Variants in CD2AP observed in about 807,000 individuals in gnomAD.
The protein encoded by CD2AP is CD2 associated protein.
A neutral mutation model predicts 85.1 loss-of-function variants in CD2AP; 46 were observed. That is an observed-to-expected ratio of 0.54 (90% confidence interval 0.43 to 0.69). The LOEUF is 0.69. CD2AP is among the 30% of genes least tolerant of loss of function. The probability of loss-of-function intolerance (pLI) is 0.00; values close to 1 mark genes in which losing one functional copy is unlikely to be tolerated. For missense variants in CD2AP, 769 were observed against 729.5 expected (o/e 1.05, Z -0.62); for synonymous variants, 255 against 252.9 (o/e 1.01, Z -0.08).
intron 2 of CD2AP, among the ~76,000 whole-genome samples, chr6:47,528,604 C>T (rs1044915236): frequency 6.6e-6 from 1 of 152,140 alleles, no homozygotes; most frequent in Non-Finnish European, 1.5e-5. Context: ...ATTTTAGTGC[C>T]TACTTGGTGC....
At position 47,552,676 on chromosome 6, in the gene CD2AP, G is replaced by A. The variant is rs375261505; in HGVS notation, c.421-1970G>A. Among the ~76,000 whole-genome samples the A allele has an allele frequency of 5.8e-4, 89 of 152,248 alleles. 4 individuals are homozygous for A. The South Asian group carries it at 0.017, about 29-fold the overall frequency. ...TCCTAAACCTAACTCCTCAGTTGTT[G>A]CCAGTTGGGGTTCCAGGTATAGGTA... On this transcript the variant is annotated intron_variant, in intron 4 of 17. Coordinates refer to ENST00000359314, the MANE Select transcript of CD2AP (RefSeq NM_012120.3).
chr6:47,586,888 T>C (rs1768644647), intron 11 of CD2AP, among the ~76,000 whole-genome samples: 1 of 152,138 alleles, frequency 6.6e-6, no homozygotes, highest in South Asian at 2.1e-4. Flanking sequence ...ATATGAGAAT[T>C]TTTTTGTATA....
At chr6:47,587,818 T>TACA (rs1359978848) in intron 11 of CD2AP, among the ~76,000 whole-genome samples, 1 of 152,158 alleles carries the variant, frequency 6.6e-6, no homozygotes, top group Admixed American at 6.5e-5. Context: ...TATACACACA[T>TACA]ACACAGTCAT....
At chr6:47,501,562 C>G (rs1297219064) in intron 1 of CD2AP, among the ~76,000 whole-genome samples, 1 of 150,956 alleles carries the variant, frequency 6.6e-6, no homozygotes, top group Non-Finnish European at 1.5e-5. Flanking sequence ...GGGGAATGGG[C>G]AATGTGGGAA....
Position 47,580,911 on chromosome 6 carries a change from A to C in CD2AP, c.1045+11A>C. The C allele has an allele frequency of 1.9e-6, 3 of 1,584,812 alleles. No homozygotes were observed. The highest frequency in any genetic ancestry group is 2.6e-6 in the Non-Finnish European group (3 of 1,153,470). ...CTGCTAAGGCTCCAGGTATGTAAGA[A>C]GCATATTATTCAGTTTGCTATTTTC... On this transcript the variant is annotated intron_variant, in intron 10 of 17. Coordinates refer to ENST00000359314, the MANE Select transcript of CD2AP (RefSeq NM_012120.3).
At position 47,612,467 on chromosome 6, in the gene CD2AP, T is replaced by C. The variant is rs751536166; in HGVS notation, c.1815-6T>C. 1 of 1,582,828 alleles carries C rather than the reference T, an allele frequency of 6.3e-7. No homozygotes were observed. Among genetic ancestry groups the C allele is most frequent in the South Asian group, 1.1e-5 (1 of 90,352 alleles). The stretch of plus-strand genomic sequence containing the variant: ...GACTTAACAGTAATAAGTACTTTGT[T>C]TTTAGGAAAGAACTGGAAAAACTGC... On this transcript the variant is annotated splice_polypyrimidine_tract_variant and splice_region_variant and intron_variant, in intron 16 of 17. Transcript: ENST00000359314.
At chr6:47,532,961 A>G (rs1253362946) in intron 2 of CD2AP, among the ~76,000 whole-genome samples, 1 of 151,688 alleles carries the variant, frequency 6.6e-6, no homozygotes, top group Non-Finnish European at 1.5e-5. Flanking sequence ...TTTTATAGCC[A>G]TGACTTAGAT....
rs1169531747 is a variant in CD2AP, at chr6:47,595,863, GA to G, written c.1116del (p.Lys372AsnfsTer31). The G allele has an allele frequency of 6.2e-7, 1 of 1,610,826 alleles. No homozygotes were observed. Among genetic ancestry groups the G allele is most frequent in the African/African-American group, 1.3e-5 (1 of 74,738 alleles). ...TTGTGAAATATTTTAAATCTTAGAT[GA>G]AAAATCAACACTGGAACAGAAACCT... ...YFSLKPEEKD[E>X]KSTLEQKPSK... On this transcript the variant is annotated frameshift_variant, in exon 12 of 18. Transcript: ENST00000359314. LOFTEE classifies it high-confidence loss of function.
At chr6:47,613,840 T>C (rs939641895) in intron 17 of CD2AP, among the ~76,000 whole-genome samples, 1 of 152,200 alleles carries the variant, frequency 6.6e-6, no homozygotes, top group Non-Finnish European at 1.5e-5. Context: ...AAAATTTGTT[T>C]CCTGTAGCCA....
chr6:47,498,937 A>G (rs1213559719), intron 1 of CD2AP, among the ~76,000 whole-genome samples: 1 of 152,204 alleles, frequency 6.6e-6, no homozygotes, highest in Non-Finnish European at 1.5e-5. Context: ...AGAAATTAAC[A>G]TTGATTTGTA....
At chr6:47,624,144 A>G (rs372604844) in intron 17 of CD2AP, 42 bp from the exon 18 acceptor site, 27 of 1,456,474 alleles carry the variant, frequency 1.9e-5, no homozygotes, top group Non-Finnish European at 2.5e-5. Flanking sequence ...CTACTAAACT[A>G]AGGATATTTT....
At chr6:47,554,083 TC>T (rs1296879555) in intron 4 of CD2AP, among the ~76,000 whole-genome samples, 1 of 152,060 alleles carries the variant, frequency 6.6e-6, no homozygotes, top group Non-Finnish European at 1.5e-5. Context: ...CAGCTAACTT[TC>T]GTATTTTTTT....
chr6:47,589,379 T>TATACACACACACACACACACACACACAC (rs144886557), intron 11 of CD2AP, among the ~76,000 whole-genome samples: 5,884 of 139,272 alleles, frequency 0.042, 200 homozygotes, highest in East Asian at 0.069. Flanking sequence ...CTCTTGAATA[T>TATACACACACACACACACACACACACAC]ACACACACAC....
At chr6:47,512,884 C>A (rs547683538) in intron 2 of CD2AP, among the ~76,000 whole-genome samples, 2 of 152,324 alleles carry the variant, frequency 1.3e-5, no homozygotes, top group African/African-American at 2.4e-5. Context: ...TAGACACTTA[C>A]ATAATTGTTT....
intron 2 of CD2AP, among the ~76,000 whole-genome samples, chr6:47,516,988 A>G (rs773221743): frequency 6.6e-5 from 10 of 152,138 alleles, no homozygotes; most frequent in Non-Finnish European, 1.5e-4. Flanking sequence ...TGTGATTCCT[A>G]ATATGGGAGG....
chr6:47,549,862 A>T (rs754684139), intron 4 of CD2AP, among the ~76,000 whole-genome samples: 2 of 152,220 alleles, frequency 1.3e-5, no homozygotes, highest in Non-Finnish European at 2.9e-5. Context: ...AAAAATAGGC[A>T]TATTGACCAA....
Position 47,606,211 on chromosome 6 carries a change from T to C in CD2AP, c.1464T>C (p.His488=). The stretch of plus-strand genomic sequence containing the variant: ...TAGCTTCCTCAGAAAACTTGCTTCA[T>C]CTCACTGCAAATAGACCAAAGATGC... ...DDIASSENLL[H]LTANRPKMPG... is the part of the protein sequence containing the mutation. Residue 488 remains histidine (H), a synonymous_variant, in exon 14 of 18, where the codon CAT becomes CAC. Coordinates refer to ENST00000359314, the MANE Select transcript of CD2AP (RefSeq NM_012120.3). The C allele has an allele frequency of 6.2e-7, 1 of 1,611,830 alleles. No individual in the cohort carries two copies. The highest frequency in any genetic ancestry group is 2.2e-5 in the East Asian group (1 of 44,846).
chr6:47,524,795 A>G (rs911347484), intron 2 of CD2AP, among the ~76,000 whole-genome samples: 1 of 152,224 alleles, frequency 6.6e-6, no homozygotes, highest in Admixed American at 6.5e-5. Flanking sequence ...TGTGGAGAGC[A>G]ATTGTGTAAC....
intron 1 of CD2AP, among the ~76,000 whole-genome samples, chr6:47,498,008 G>C (rs1765910456): frequency 6.6e-6 from 1 of 151,816 alleles, no homozygotes; most frequent in African/African-American, 2.4e-5. Context: ...GTCTTCCTCT[G>C]TTTTGGTTCA....
Sources: gnomAD v4.1 joint callset for allele counts (sites outside exome capture counted in the v4.1 genomes callset) on GRCh38, gnomAD v4.1.1 for gene constraint, MANE v1.5 for transcripts, NCBI Gene and HGNC (gene_info 2026-07-23, HGNC 2026-07-21) for gene names.